The following HSD17B3 variants were observed in gnomAD, a reference collection of about 807,000 sequenced individuals.
The protein encoded by HSD17B3 is 17-beta-hydroxysteroid dehydrogenase type 3.
A neutral mutation model predicts 41.1 loss-of-function variants in HSD17B3; 29 were observed. The ratio of observed to expected loss-of-function variants is 0.71; its 90% CI spans 0.53 to 0.96. The LOEUF (loss-of-function observed/expected upper bound fraction) is 0.96. Ranked by LOEUF, HSD17B3 falls within the 40% of genes least tolerant of loss-of-function variation. The pLI, the probability that HSD17B3 is intolerant of heterozygous loss-of-function variation, is 0.00. For missense variants in HSD17B3, 323 were observed against 374.6 expected, an observed-to-expected ratio of 0.86 and a Z score of 1.14; for synonymous variants, 126 against 145.6, an observed-to-expected ratio of 0.87 and a Z score of 0.97.
chr9:96,299,188 C>T (rs974373098), intron 1 of HSD17B3, among the ~76,000 whole-genome samples: 9 of 152,150 alleles, frequency 5.9e-5, no homozygotes, highest in Non-Finnish European at 8.8e-5. Flanking sequence ...CACTACAATT[C>T]GGTATATCGT....
chr9:96,267,280 C>G lies in HSD17B3; in HGVS notation c.202-12337G>C, dbSNP rs1826076663. 2.0e-5 allele frequency among the ~76,000 whole-genome samples: 3 copies of G among 151,890 alleles called. No homozygotes were observed. In the East Asian group the frequency reaches 5.8e-4, roughly 29 times the overall value. ...CAAGCAATTCACCTATCTCAGCCTC[C>G]TGAGTAGCTGGGATTACAGACACAT... On this transcript the variant is annotated intron_variant, in intron 2 of 10. Coordinates refer to ENST00000375263, the MANE Select transcript of HSD17B3 (RefSeq NM_000197.2).
intron 7 of HSD17B3, among the ~76,000 whole-genome samples, chr9:96,245,879 C>T (rs1351627501): frequency 6.6e-6 from 1 of 152,228 alleles, no homozygotes; most frequent in Admixed American, 6.5e-5. Flanking sequence ...TAGAATTTCA[C>T]AGTACAGGAC....
chr9:96,288,489 C>T (rs1168062503), intron 2 of HSD17B3, among the ~76,000 whole-genome samples: 1 of 152,164 alleles, frequency 6.6e-6, no homozygotes, highest in East Asian at 1.9e-4. Context: ...ATTAAAAAGA[C>T]AAGCAATTAG....
At chr9:96,289,921 G>A (rs893045247) in intron 2 of HSD17B3, among the ~76,000 whole-genome samples, 8 of 152,156 alleles carry the variant, frequency 5.3e-5, no homozygotes, top group Non-Finnish European at 1.0e-4. Flanking sequence ...TGGGATGAAT[G>A]GGCCTTGTTT....
chr9:96,293,437 C>G (rs1043344546), intron 2 of HSD17B3, among the ~76,000 whole-genome samples: 1 of 151,516 alleles, frequency 6.6e-6, no homozygotes, highest in African/African-American at 2.5e-5. Context: ...GGTCTCCAAC[C>G]TGCCAGCCTA....
At chr9:96,271,927 AG>A (rs1826257373) in intron 2 of HSD17B3, among the ~76,000 whole-genome samples, 1 of 152,082 alleles carries the variant, frequency 6.6e-6, no homozygotes, top group African/African-American at 2.4e-5. Flanking sequence ...AGGGTTAGGA[AG>A]AGGCCTTTAT....
chr9:96,277,416 A>G (rs544732472), intron 2 of HSD17B3, among the ~76,000 whole-genome samples: 2 of 152,352 alleles, frequency 1.3e-5, no homozygotes, highest in Non-Finnish European at 2.9e-5. Flanking sequence ...AAGGATGTAA[A>G]TAGACATTTT....
chr9:96,274,315 T>C (rs886166887), intron 2 of HSD17B3, among the ~76,000 whole-genome samples: 4 of 152,120 alleles, frequency 2.6e-5, no homozygotes, highest in Non-Finnish European at 4.4e-5. Context: ...GGTGCACACC[T>C]GTAATCCCAG....
intron 2 of HSD17B3, among the ~76,000 whole-genome samples, chr9:96,258,572 A>G: frequency 6.6e-6 from 1 of 152,270 alleles, no homozygotes; most frequent in East Asian, 1.9e-4. Flanking sequence ...ATCTTAGCTG[A>G]CCCCTCCTAT....
chr9:96,272,081 T>C (rs1303244840), intron 2 of HSD17B3, among the ~76,000 whole-genome samples: 1 of 151,818 alleles, frequency 6.6e-6, no homozygotes, highest in Non-Finnish European at 1.5e-5. Flanking sequence ...TAAAAATACA[T>C]ATATAGGTCA....
intron 2 of HSD17B3, among the ~76,000 whole-genome samples, chr9:96,284,513 A>G (rs1826831994): frequency 6.6e-6 from 1 of 152,230 alleles, no homozygotes; most frequent in Non-Finnish European, 1.5e-5. Flanking sequence ...TGACACAATT[A>G]GAGAAACTGG....
chr9:96,278,675 A>G (rs1005192166), intron 2 of HSD17B3, among the ~76,000 whole-genome samples: 1 of 152,166 alleles, frequency 6.6e-6, no homozygotes, highest in Admixed American at 6.6e-5. Flanking sequence ...GGAACCATGA[A>G]TTTGATGGTA....
intron 2 of HSD17B3, among the ~76,000 whole-genome samples, chr9:96,280,313 T>C (rs1309103414): frequency 6.6e-6 from 1 of 152,218 alleles, no homozygotes; most frequent in Non-Finnish European, 1.5e-5. Context: ...GAAGTGCCTG[T>C]ACAACATTTT....
intron 6 of HSD17B3, 127 bp from the exon 7 acceptor site, chr9:96,246,717 A>G (rs965675776): frequency 3.0e-5 from 25 of 840,200 alleles, no homozygotes; most frequent in Non-Finnish European, 4.6e-5. Context: ...GACGGCCTTG[A>G]AAATTGCTGG....
chr9:96,268,066 A>C (rs1301102078), intron 2 of HSD17B3, among the ~76,000 whole-genome samples: 1 of 152,182 alleles, frequency 6.6e-6, no homozygotes, highest in Admixed American at 6.5e-5. Flanking sequence ...CTGGGACAAC[A>C]GGTGCACGCC....
At chr9:96,243,184 TA>T (rs1836520192) in intron 9 of HSD17B3, among the ~76,000 whole-genome samples, 1 of 152,210 alleles carries the variant, frequency 6.6e-6, no homozygotes, top group African/African-American at 2.4e-5. Context: ...TTTTAGGGGT[TA>T]TTTTTTTACT....
intron 2 of HSD17B3, among the ~76,000 whole-genome samples, chr9:96,257,390 T>TC (rs1202594067): frequency 6.6e-6 from 1 of 151,996 alleles, no homozygotes; most frequent in Non-Finnish European, 1.5e-5. Context: ...CCTGCCCATT[T>TC]CCCCGCCCAC....
At chr9:96,272,405 CTATATATATATATATA>C (rs1199705437) in intron 2 of HSD17B3, among the ~76,000 whole-genome samples, 27 of 21,536 alleles carry the variant, frequency 1.3e-3, no homozygotes, top group African/African-American at 3.8e-3. Flanking sequence ...CTCTCTCTCT[CTATATATATATATATA>C]TATATATATA....
chr9:96,296,729 A>G (rs1272174497), intron 2 of HSD17B3, among the ~76,000 whole-genome samples: 1 of 152,208 alleles, frequency 6.6e-6, no homozygotes, highest in Non-Finnish European at 1.5e-5. Context: ...TTGATGGAAT[A>G]TTATGTTGCC....
Sources: gnomAD v4.1 joint callset for allele counts (sites outside exome capture counted in the v4.1 genomes callset) on GRCh38, gnomAD v4.1.1 for gene constraint, MANE v1.5 for transcripts, NCBI Gene and HGNC (gene_info 2026-07-23, HGNC 2026-07-21) for gene names.